MYH14: variants seen among roughly 807,000 people sequenced by gnomAD.
MYH14 encodes the protein myosin heavy chain 14, also known as myosin-14.
A neutral mutation model predicts 255.5 loss-of-function variants in MYH14; 123 were observed. The observed-to-expected ratio is 0.48, with a 90% CI of 0.42 to 0.56. The LOEUF is 0.56. Ranked by LOEUF, MYH14 falls within the 20% of genes least tolerant of loss-of-function variation. The pLI is 0.00. For synonymous variants in MYH14, 1,095 were observed against 1,161.2 expected (o/e 0.94, Z 1.16); for missense variants, 2,423 against 2,802.3 (o/e 0.86, Z 3.06).
At chr19:50,297,643 CCCA>C (rs930940672) in intron 39 of MYH14, among the ~76,000 whole-genome samples, 51 of 150,422 alleles carry the variant, frequency 3.4e-4, no homozygotes, top group African/African-American at 1.1e-3. Context: ...ATTACAGGCG[CCCA>C]CCACCACATC....
intron 33 of MYH14, chr19:50,285,397 T>C (rs1013559557): frequency 1.3e-5 from 2 of 152,252 alleles, no homozygotes; most frequent in Admixed American, 1.3e-4. Context: ...TATACGTCCA[T>C]TGAAATACCT....
chr19:50,234,040 G>A (rs1244081815), intron 10 of MYH14, among the ~76,000 whole-genome samples: 4 of 151,760 alleles, frequency 2.6e-5, no homozygotes, highest in Admixed American at 6.6e-5. Flanking sequence ...GGCTGGTCTC[G>A]AACTGCTGAC....
In MYH14 at chr19:50,247,043, C is replaced by T. The variant is rs773980026; in HGVS notation, c.1250C>T (p.Thr417Met). ...KLCRLLGLGVTDFSRALLTPR... is the reference protein window; with the variant it reads ...KLCRLLGLGVMDFSRALLTPR... ...TGCCGCCTCTTGGGACTGGGGGTGA[C>T]GGATTTCTCCCGAGCCTTGCTCACC... The change falls in exon 12 of 43, where the codon ACG becomes ATG. Residue 417 changes from threonine to methionine, a missense_variant. Physicochemically the swap from Thr to Met is moderately conservative, Grantham distance 81. This residue lies in a region of MYH14 where 672 missense variants were observed against 881.8 expected (regional missense o/e 0.76). Transcript: ENST00000642316. 23 of 1,613,060 alleles carry T rather than the reference C, an allele frequency of 1.4e-5. No individual in the cohort carries two copies. In the Admixed American group the frequency reaches 2.3e-4, roughly 16 times the overall value.
Position 50,226,959 on chromosome 19 carries a change from T to C in MYH14, c.867T>C (p.Ile289=), listed in dbSNP as rs2033138306. ...DVAGYIVGAN[I]ETYLLEKSRA... is the part of the protein sequence containing the mutation. ...CCGGGTACATCGTGGGCGCCAACAT[T>C]GAGACCTGTATCCTCTCACAGCCCA... Residue 289 remains isoleucine (I), a synonymous_variant, in exon 8 of 43, where the codon ATT becomes ATC. Transcript: ENST00000642316. 6.2e-7 allele frequency: 1 copy of C among 1,613,554 alleles called. No homozygotes were observed. The highest frequency in any genetic ancestry group is 1.3e-5 in the African/African-American group (1 of 74,812).
intron 18 of MYH14, 151 bp from the exon 19 acceptor site, chr19:50,258,993 C>T (rs2034712514): frequency 9.8e-7 from 1 of 1,020,892 alleles, no homozygotes; most frequent in Non-Finnish European, 1.4e-6. Context: ...CTGGTTTGAG[C>T]ATTGCTGTCT....
chr19:50,252,779 G>T lies in MYH14; in HGVS notation c.1945+26G>T. 1 of 1,469,912 alleles carries T rather than the reference G, an allele frequency of 6.8e-7. No individual in the cohort carries two copies. 91.1% of individuals were successfully genotyped at this position (1,469,912 alleles called of 1,614,324 possible). On this transcript the variant is annotated intron_variant, in intron 16 of 42. Transcript: ENST00000642316. The surrounding 1 kb of genome is among the most constrained non-coding windows in gnomAD (Gnocchi z 4.2). ...GTGAGGACCCACTTCCCCCACCCCG[G>T]CTCTAGGGGTCTGTGCGGCCATTCT...
intron 1 of MYH14, among the ~76,000 whole-genome samples, chr19:50,209,861 G>A (rs1412935486): frequency 1.3e-5 from 2 of 151,382 alleles, no homozygotes; most frequent in Non-Finnish European, 2.9e-5. Flanking sequence ...ACTTTGGGAG[G>A]CCGAGGCAGG....
At chr19:50,260,028 GC>G (rs2123344736) in intron 19 of MYH14, among the ~76,000 whole-genome samples, 1 of 152,338 alleles carries the variant, frequency 6.6e-6, no homozygotes, top group Admixed American at 6.5e-5. Flanking sequence ...AGAATGGGAA[GC>G]CTTGTACACA....
intron 1 of MYH14, among the ~76,000 whole-genome samples, chr19:50,204,472 G>A (rs1206881048): frequency 4.6e-5 from 7 of 152,152 alleles, no homozygotes; most frequent in African/African-American, 1.7e-4. Context: ...GGCAGAAAAC[G>A]GTATAGGCTT....
chr19:50,255,918 G>C (rs931924295), intron 17 of MYH14, among the ~76,000 whole-genome samples: 1 of 150,708 alleles, frequency 6.6e-6, no homozygotes, highest in Non-Finnish European at 1.5e-5. Flanking sequence ...TGAATGGGAT[G>C]AGTTTTGCAG....
intron 3 of MYH14, among the ~76,000 whole-genome samples, chr19:50,222,119 A>G (rs1019944308): frequency 2.0e-5 from 3 of 152,146 alleles, no homozygotes; most frequent in African/African-American, 7.2e-5. Flanking sequence ...GTAATAACCA[A>G]AAATGTCTCC....
At chr19:50,228,639 C>T (rs978386008) in intron 8 of MYH14, among the ~76,000 whole-genome samples, 1 of 152,164 alleles carries the variant, frequency 6.6e-6, no homozygotes, top group Non-Finnish European at 1.5e-5. Context: ...TCCCACCTCT[C>T]CATGGTACCT....
At chr19:50,281,002 G>T (rs1031081292) in intron 32 of MYH14, among the ~76,000 whole-genome samples, 1 of 152,142 alleles carries the variant, frequency 6.6e-6, no homozygotes, top group Non-Finnish European at 1.5e-5. Flanking sequence ...GACTGTCTCT[G>T]CCCATGAGTC....
chr19:50,267,097 C>T (rs1414814876), intron 23 of MYH14, 89 bp downstream of exon 23: 8 of 1,296,604 alleles, frequency 6.2e-6, no homozygotes, highest in African/African-American at 1.5e-5. Flanking sequence ...GCGGGGCTTC[C>T]GGCTGAGCCA....
chr19:50,255,460 T>C, intron 17 of MYH14, 142 bp downstream of exon 17: 1 of 674,048 alleles, frequency 1.5e-6, no homozygotes, highest in Non-Finnish European at 2.6e-6. Context: ...CCTTGTTGGC[T>C]CCCTTGGAAG....
intron 24 of MYH14, among the ~76,000 whole-genome samples, chr19:50,270,533 AAAAAG>A (rs905486630): frequency 1.4e-5 from 2 of 145,156 alleles, no homozygotes; most frequent in African/African-American, 4.9e-5. Context: ...AAAAAAAAAA[AAAAAG>A]AAAAGAAAAA....
At chr19:50,215,629 T>G (rs1486418504) in intron 2 of MYH14, among the ~76,000 whole-genome samples, 2 of 152,074 alleles carry the variant, frequency 1.3e-5, no homozygotes, top group Non-Finnish European at 2.9e-5. Flanking sequence ...CTGGGCAACA[T>G]AGTGAGACCT....
rs2123458744 is a variant in MYH14, at chr19:50,293,914, GC to G, written c.5469+228del. 6.6e-6 allele frequency among the ~76,000 whole-genome samples: 1 copy of G among 152,298 alleles called. No homozygotes were observed. The highest frequency in any genetic ancestry group is 2.4e-5 in the African/African-American group (1 of 41,550). ...TATGTGGGGAAACAGACATGGGCCA[GC>G]AAGTGTGATCATGGAAGTCTCCTGG... On this transcript the variant is annotated intron_variant, in intron 39 of 42. Coordinates refer to ENST00000642316, the MANE Select transcript of MYH14 (RefSeq NM_001145809.2). The surrounding 1 kb of genome is among the most constrained non-coding windows in gnomAD (Gnocchi z 4.1).
In MYH14 at chr19:50,241,670, C is replaced by T. The variant is rs2033897516; in HGVS notation, c.1115-2572C>T. Reference sequence around the variant, plus strand: ...ATTTTTTTTTTTTTTGAGGCAGGGTCTCTCTCTCATTGCCCAGGCTTGAGT... The same window carrying T: ...ATTTTTTTTTTTTTTGAGGCAGGGTTTCTCTCTCATTGCCCAGGCTTGAGT... On this transcript the variant is annotated intron_variant, in intron 10 of 42. Coordinates refer to ENST00000642316, the MANE Select transcript of MYH14 (RefSeq NM_001145809.2). Among the ~76,000 whole-genome samples, 3 of 148,438 alleles carry T rather than the reference C, an allele frequency of 2.0e-5. No individual in the cohort carries two copies. In the South Asian group the frequency reaches 6.4e-4, roughly 32 times the overall value.
Sources: allele counts gnomAD v4.1 joint callset (sites outside exome capture counted in the v4.1 genomes callset), GRCh38; gene constraint gnomAD v4.1.1; regional missense constraint gnomAD v4.1.1; non-coding constraint Gnocchi (gnomAD v3.1); transcripts MANE v1.5; gene names NCBI Gene and HGNC (gene_info 2026-07-23, HGNC 2026-07-21).